EP400: variants seen among roughly 807,000 people sequenced by gnomAD.
EP400 encodes the protein E1A binding protein p400.
EP400 carries 105 observed loss-of-function variants against 354.1 expected under a neutral mutation model. The observed-to-expected ratio is 0.30, with a 90% CI of 0.25 to 0.35. The LOEUF (loss-of-function observed/expected upper bound fraction) is 0.35. EP400 is among the 10% of genes least tolerant of loss of function. The pLI, the probability that EP400 is intolerant of heterozygous loss-of-function variation, is 1.00. For synonymous variants in EP400, 1,646 were observed against 1,716.9 expected, an observed-to-expected ratio of 0.96 and a Z score of 1.02; for missense variants, 3,280 against 4,121.0, an observed-to-expected ratio of 0.80 and a Z score of 5.59.
chr12:132,008,729 T>C (rs1360604477), intron 15 of EP400, among the ~76,000 whole-genome samples: 1 of 150,778 alleles, frequency 6.6e-6, no homozygotes, highest in Non-Finnish European at 1.5e-5. Context: ...GCGATCCTCC[T>C]GCCTCAGCCT....
intron 2 of EP400, chr12:131,963,473 A>AAATTTTGTTAG: frequency 7.6e-7 from 1 of 1,312,128 alleles, no homozygotes; most frequent in South Asian, 1.2e-5. Flanking sequence ...AATTCTAACA[A>AAATTTTGTTAG]AATTTTGAGC....
chr12:131,958,341 G>A (rs1157937817), intron 1 of EP400, among the ~76,000 whole-genome samples: 1 of 152,168 alleles, frequency 6.6e-6, no homozygotes, highest in African/African-American at 2.4e-5. Flanking sequence ...CTTCCCTTAA[G>A]ATCTGTTTGT....
At chr12:131,989,190 T>G (rs954655035) in intron 7 of EP400, among the ~76,000 whole-genome samples, 3 of 152,160 alleles carry the variant, frequency 2.0e-5, no homozygotes, top group Non-Finnish European at 4.4e-5. Context: ...GTGCAGCACC[T>G]ACAGGGCACA....
At chr12:131,963,618 T>C in intron 2 of EP400, 1 of 1,598,312 alleles carries the variant, frequency 6.3e-7, no homozygotes, top group Non-Finnish European at 8.5e-7. Context: ...CTGCTGCTTT[T>C]TCATCCCAGC....
chr12:132,064,577 G>A, intron 47 of EP400, 91 bp from the exon 48 acceptor site: 2 of 1,501,484 alleles, frequency 1.3e-6, no homozygotes, highest in Non-Finnish European at 1.8e-6. Context: ...GTATTTAATG[G>A]GCAGTAGAGG....
chr12:131,996,937 C>G (rs992423299), intron 12 of EP400, among the ~76,000 whole-genome samples: 5 of 152,148 alleles, frequency 3.3e-5, no homozygotes, highest in Admixed American at 6.5e-5. Flanking sequence ...TTTGCAGTAC[C>G]TTTCGATGAA....
Position 131,994,909 on chromosome 12 carries a change from A to C in EP400, c.2780A>C (p.Glu927Ala). 1 of 1,614,154 alleles carries C rather than the reference A, an allele frequency of 6.2e-7. No homozygotes were observed. The highest frequency in any genetic ancestry group is 8.5e-7 in the Non-Finnish European group (1 of 1,179,992). Residue 927 changes from glutamate (E) to alanine (A), a missense_variant, in exon 12 of 53, where the codon GAA (glutamate) becomes GCA (alanine). By Grantham distance (107) the Glu-to-Ala change is moderately radical. This residue lies in a region of EP400 where 800 missense variants were observed against 840.0 expected (regional missense o/e 0.95). Coordinates refer to ENST00000389561, the MANE Select transcript of EP400 (RefSeq NM_015409.5). This position sits in a 1 kb window ranked among gnomAD's most constrained non-coding sequence, Gnocchi z 4.6. ...EETIEEEEANEGVVDHQTELS... is the reference protein window; with the variant it reads ...EETIEEEEANAGVVDHQTELS... ...ACAATTGAAGAGGAGGAAGCAAATGAAGGCGTTGTGGACCACCAAACAGAA... is the reference window on the plus strand; with the variant it reads ...ACAATTGAAGAGGAGGAAGCAAATGCAGGCGTTGTGGACCACCAAACAGAA...
intron 51 of EP400, among the ~76,000 whole-genome samples, chr12:132,074,194 G>T (rs1261531703): frequency 6.6e-6 from 1 of 152,058 alleles, no homozygotes; most frequent in African/African-American, 2.4e-5. Flanking sequence ...CAAAGTGCTG[G>T]GATTACAGGC....
At chr12:131,995,123 G>GC in intron 12 of EP400, 167 bp downstream of exon 12, 2 of 595,640 alleles carry the variant, frequency 3.4e-6, no homozygotes, top group Non-Finnish European at 5.8e-6. Flanking sequence ...GGAGGTCCTG[G>GC]CCCTCCTGGG....
intron 12 of EP400, among the ~76,000 whole-genome samples, chr12:131,995,450 T>G (rs1893175255): frequency 6.6e-6 from 1 of 150,478 alleles, no homozygotes; most frequent in East Asian, 2.0e-4. Flanking sequence ...CTTGACTGAA[T>G]GTACCGTTCA....
intron 23 of EP400, among the ~76,000 whole-genome samples, chr12:132,023,560 A>G (rs1894199169): frequency 6.6e-6 from 1 of 152,206 alleles, no homozygotes; most frequent in African/African-American, 2.4e-5. Context: ...AATTATGGTT[A>G]AGTAAAGTTA....
rs765818906 is a variant in EP400 at position 131,961,964 on chromosome 12, A to G, written c.1335+10A>G. ...GGTTATCAATGACGAGGTAAGAAAC[A>G]GGAGTTAATTTGTTTAGTACAAATC... On this transcript the variant is annotated intron_variant, in intron 2 of 52. Transcript: ENST00000389561. The G allele has an allele frequency of 6.2e-7, 1 of 1,604,944 alleles. No individual in the cohort carries two copies. The highest frequency in any genetic ancestry group is 8.5e-7 in the Non-Finnish European group (1 of 1,176,386).
Position 132,067,028 on chromosome 12 carries a change from T to C in EP400, c.8749+59T>C. On this transcript the variant is annotated intron_variant, in intron 49 of 52. Transcript: ENST00000389561. The surrounding 1 kb of genome is among the most constrained non-coding windows in gnomAD (Gnocchi z 5.3). ...TTGAGCCTGGTTTCACAGGCCTCTC[T>C]GGTGGCAGTGGTCGCCAGCGACCCG... 1 of 1,476,754 alleles carries C rather than the reference T, an allele frequency of 6.8e-7. No homozygotes were observed. 91.5% of individuals were successfully genotyped at this position (1,476,754 alleles called of 1,614,324 possible).
chr12:131,970,002 T>G (rs1173579319), intron 2 of EP400, among the ~76,000 whole-genome samples: 1 of 152,176 alleles, frequency 6.6e-6, no homozygotes, highest in Non-Finnish European at 1.5e-5. Context: ...TGAGCCAAGA[T>G]GGTGCCACTG....
At position 132,055,119 on chromosome 12, in the gene EP400, A is replaced by T. The variant is rs1379256753; in HGVS notation, c.7795A>T (p.Ile2599Phe). The T allele has an allele frequency of 6.8e-6, 11 of 1,613,356 alleles. No homozygotes were observed. Among genetic ancestry groups the T allele is most frequent in the Non-Finnish European group, 8.5e-6 (10 of 1,179,696 alleles). ...MPTGAVSGNV[I>F]VNTIAGVPAA... ...CGCAGGTGCCGTGAGTGGAAATGTG[A>T]TCGTGAACACCATCGCAGGGGTCCC... The change falls in exon 45 of 53, where the codon ATC becomes TTC. Residue 2599 changes from isoleucine (I) to phenylalanine (F), a missense_variant. Transcript: ENST00000389561.
chr12:132,063,688 T>G (rs1009015728), intron 47 of EP400, among the ~76,000 whole-genome samples: 9 of 152,132 alleles, frequency 5.9e-5, no homozygotes, highest in African/African-American at 2.2e-4. Context: ...GGAAGTGGGC[T>G]GCAGGAGACG....
At position 132,044,601 on chromosome 12, in the gene EP400, T is replaced by A. The variant is rs1895021820; in HGVS notation, c.6586-70T>A. ...TTGAAAGACTTAATGAGTATGAAGG[T>A]ACATGATTTGTGGCTTATAACATGA... On this transcript the variant is annotated intron_variant, in intron 35 of 52. Coordinates refer to ENST00000389561, the MANE Select transcript of EP400 (RefSeq NM_015409.5). 8.9e-6 allele frequency: 14 copies of A among 1,568,732 alleles called. No individual in the cohort carries two copies. The South Asian group carries it at 1.6e-4, about 18-fold the overall frequency.
chr12:131,991,221 G>T (rs1437419410), intron 9 of EP400, among the ~76,000 whole-genome samples, 186 bp from the exon 10 acceptor site: 1 of 152,208 alleles, frequency 6.6e-6, no homozygotes. Context: ...GGCTGCTGCT[G>T]AAAGTCATAG....
At chr12:131,965,993 G>A (rs1274564518) in intron 2 of EP400, among the ~76,000 whole-genome samples, 1 of 151,258 alleles carries the variant, frequency 6.6e-6, no homozygotes, top group Non-Finnish European at 1.5e-5. Context: ...GAGTCAAAGA[G>A]TCTCTCTGAA....
Sources: gnomAD v4.1 joint callset for allele counts (sites outside exome capture counted in the v4.1 genomes callset) on GRCh38, gnomAD v4.1.1 for gene constraint, gnomAD v4.1.1 regional missense constraint, Gnocchi (gnomAD v3.1) non-coding constraint, MANE v1.5 for transcripts, NCBI Gene and HGNC (gene_info 2026-07-23, HGNC 2026-07-21) for gene names.